The following MTHFD1L variants were observed in gnomAD, a reference collection of about 807,000 sequenced individuals.
The protein encoded by MTHFD1L is monofunctional C1-tetrahydrofolate synthase, mitochondrial.
In MTHFD1L, 81 loss-of-function variants were observed where a neutral mutation model predicts 119.5. The ratio of observed to expected loss-of-function variants is 0.68; its 90% CI spans 0.57 to 0.82. The LOEUF (loss-of-function observed/expected upper bound fraction) is 0.82. MTHFD1L is among the 40% of genes least tolerant of loss of function. The probability of loss-of-function intolerance (pLI) is 0.00; values close to 1 mark genes in which losing one functional copy is unlikely to be tolerated. For missense variants in MTHFD1L, 1,125 were observed against 1,253.4 expected, an observed-to-expected ratio of 0.90 and a Z score of 1.55; for synonymous variants, 430 against 475.2, an observed-to-expected ratio of 0.90 and a Z score of 1.24.
Position 150,936,939 on chromosome 6 carries a change from AG to A in MTHFD1L, c.1393+1del. The A allele has an allele frequency of 6.2e-7, 1 of 1,614,028 alleles. No individual in the cohort carries two copies. The highest frequency in any genetic ancestry group is 8.5e-7 in the Non-Finnish European group (1 of 1,179,952). On this transcript the variant is annotated frameshift_variant and splice_region_variant, in exon 12 of 28. Transcript: ENST00000367321. LOFTEE classifies it high-confidence loss of function. Reference protein sequence around the residue: ...PSQGPTFGVKGGAAGGGYAQV... With the variant: ...PSQGPTFGVKXGAAGGGYAQV... ...CCCAAGGACCGACGTTTGGAGTGAA[AG>A]GTACTGTCTTTAACAACTAGTGTAC...
chr6:151,065,134 T>C (rs1791098188), intron 26 of MTHFD1L, among the ~76,000 whole-genome samples: 1 of 152,226 alleles, frequency 6.6e-6, no homozygotes, highest in Non-Finnish European at 1.5e-5. Flanking sequence ...TGCACATCTC[T>C]GTAGTTTTAT....
intron 17 of MTHFD1L, among the ~76,000 whole-genome samples, chr6:150,957,782 T>C (rs1795853628): frequency 6.6e-6 from 1 of 152,176 alleles, no homozygotes; most frequent in Non-Finnish European, 1.5e-5. Flanking sequence ...ATACTGATAT[T>C]GTAAACCTGT....
chr6:151,031,951 TG>T (rs1329300032), intron 24 of MTHFD1L, among the ~76,000 whole-genome samples: 1 of 152,244 alleles, frequency 6.6e-6, no homozygotes, highest in Non-Finnish European at 1.5e-5. Context: ...GTGTCACCTC[TG>T]TTATATACTA....
At chr6:150,956,430 A>G (rs1795656126) in intron 17 of MTHFD1L, among the ~76,000 whole-genome samples, 1 of 152,240 alleles carries the variant, frequency 6.6e-6, no homozygotes, top group Non-Finnish European at 1.5e-5. Flanking sequence ...TCTCAGACAC[A>G]TTACTCAAAT....
intron 26 of MTHFD1L, among the ~76,000 whole-genome samples, chr6:151,081,981 C>A (rs1465648050): frequency 6.6e-6 from 1 of 152,312 alleles, no homozygotes; most frequent in Admixed American, 6.5e-5. Context: ...ATGATGATTT[C>A]CTTGCCAGTA....
At chr6:150,990,691 A>G (rs1470065653) in intron 20 of MTHFD1L, among the ~76,000 whole-genome samples, 5 of 152,050 alleles carry the variant, frequency 3.3e-5, no homozygotes, top group African/African-American at 4.8e-5. Context: ...TGAACTCCCA[A>G]CCTCAGGTGA....
At chr6:150,972,752 C>T (rs112418830) in intron 20 of MTHFD1L, among the ~76,000 whole-genome samples, 5,761 of 152,276 alleles carry the variant, frequency 0.038, 146 homozygotes, top group Non-Finnish European at 0.056. Flanking sequence ...AACTTGAAGT[C>T]GTGGGTTTAT....
chr6:151,038,644 A>C (rs1786577926), intron 26 of MTHFD1L, among the ~76,000 whole-genome samples: 1 of 152,200 alleles, frequency 6.6e-6, no homozygotes, highest in Admixed American at 6.5e-5. Context: ...TAGCTCTGGC[A>C]GCAATATGGA....
chr6:150,895,570 G>A (rs1165684940), intron 7 of MTHFD1L, among the ~76,000 whole-genome samples: 1 of 150,168 alleles, frequency 6.7e-6, no homozygotes, highest in Non-Finnish European at 1.5e-5. Context: ...AAAAATATAG[G>A]TCTTTCACCT....
In MTHFD1L at chr6:150,879,836, C is replaced by T. The variant is rs553909438; in HGVS notation, c.417+2010C>T. On this transcript the variant is annotated intron_variant, in intron 4 of 27. Coordinates refer to ENST00000367321, the MANE Select transcript of MTHFD1L (RefSeq NM_015440.5). ...TAGAGACGGGGTTTCACCATGTTAGCCAGGCCGTTCTCGAACTCCTGACCT... is the reference window on the plus strand; with the variant it reads ...TAGAGACGGGGTTTCACCATGTTAGTCAGGCCGTTCTCGAACTCCTGACCT... Among the ~76,000 whole-genome samples, 25 of 152,178 alleles carry T rather than the reference C, an allele frequency of 1.6e-4. No homozygotes were observed. In the South Asian group the frequency reaches 3.9e-3, roughly 24 times the overall value.
intron 6 of MTHFD1L, among the ~76,000 whole-genome samples, chr6:150,886,054 A>T (rs1271409148): frequency 2.0e-5 from 3 of 152,258 alleles, no homozygotes; most frequent in Non-Finnish European, 4.4e-5. Flanking sequence ...CTCATGAAAC[A>T]GTCAAAATAA....
chr6:150,959,090 C>T (rs1796064872), intron 17 of MTHFD1L: 1 of 701,412 alleles, frequency 1.4e-6, no homozygotes, highest in Non-Finnish European at 1.8e-6. Flanking sequence ...CAATGAAAGA[C>T]CACTTATGTT....
chr6:150,989,700 G>A (rs1778797032), intron 20 of MTHFD1L, among the ~76,000 whole-genome samples: 1 of 152,116 alleles, frequency 6.6e-6, no homozygotes, highest in Admixed American at 6.5e-5. Context: ...AGCAAGAAAT[G>A]AGCACATAGA....
Position 150,887,922 on chromosome 6 carries a change from C to G in MTHFD1L, c.721C>G (p.Gln241Glu). 1 of 1,610,690 alleles carries G rather than the reference C, an allele frequency of 6.2e-7. No individual in the cohort carries two copies. Among genetic ancestry groups the G allele is most frequent in the Non-Finnish European group, 8.5e-7 (1 of 1,178,780 alleles). The change falls in exon 7 of 28, where the codon CAG becomes GAG. Residue 241 changes from glutamine (Q) to glutamate (E), a missense_variant. Physicochemically the swap from Gln to Glu is conservative, Grantham distance 29. This residue lies in a region of MTHFD1L where 1,058 missense variants were observed against 1,151.2 expected (regional missense o/e 0.92). Coordinates refer to ENST00000367321, the MANE Select transcript of MTHFD1L (RefSeq NM_015440.5). Reference protein sequence around the residue: ...SLEAALQCLFQRKGSMTMSIQ... With the variant: ...SLEAALQCLFERKGSMTMSIQ... ...GGAAGCTGCTCTACAATGCCTGTTC[C>G]AGAGAAAAGGGTCCATGACAATGAG...
intron 7 of MTHFD1L, among the ~76,000 whole-genome samples, chr6:150,895,396 A>G (rs914666700): frequency 3.3e-5 from 5 of 152,204 alleles, no homozygotes; most frequent in Non-Finnish European, 7.3e-5. Flanking sequence ...CAGCTGGACA[A>G]TGCTGAAATG....
intron 20 of MTHFD1L, among the ~76,000 whole-genome samples, chr6:151,007,384 A>AACAATTT (rs1562528196): frequency 3.3e-5 from 5 of 152,164 alleles, no homozygotes; most frequent in African/African-American, 1.2e-4. Context: ...ATGGAGCAGG[A>AACAATTT]ATTCCCACAA....
chr6:150,869,506 T>C (rs1196080605), intron 1 of MTHFD1L, among the ~76,000 whole-genome samples: 2 of 152,174 alleles, frequency 1.3e-5, no homozygotes, highest in Non-Finnish European at 2.9e-5. Flanking sequence ...GGACATGAAC[T>C]CATGCTTTCT....
intron 24 of MTHFD1L, among the ~76,000 whole-genome samples, chr6:151,018,270 G>A (rs1783437298): frequency 6.6e-6 from 1 of 152,164 alleles, no homozygotes; most frequent in Non-Finnish European, 1.5e-5. Flanking sequence ...TTCCTGTTCA[G>A]TGGCATAAAT....
intron 23 of MTHFD1L, among the ~76,000 whole-genome samples, 196 bp downstream of exon 23, chr6:151,015,176 T>A (rs1782848895): frequency 6.6e-6 from 1 of 151,566 alleles, no homozygotes; most frequent in Non-Finnish European, 1.5e-5. Context: ...GGAAGTGAAA[T>A]TTATATATAG....
Sources: allele counts gnomAD v4.1 joint callset (sites outside exome capture counted in the v4.1 genomes callset), GRCh38; gene constraint gnomAD v4.1.1; regional missense constraint gnomAD v4.1.1; transcripts MANE v1.5; gene names NCBI Gene and HGNC (gene_info 2026-07-23, HGNC 2026-07-21).